The following NEK11 variants were observed in gnomAD, a reference collection of about 807,000 sequenced individuals.
NEK11 encodes NIMA related kinase 11, also known as serine/threonine-protein kinase Nek11.
Under a neutral mutation model 80.7 loss-of-function variants are expected in NEK11, and 72 were observed. That is an observed-to-expected ratio of 0.89 (90% CI 0.74 to 1.08). The LOEUF is 1.08. NEK11 is among the 50% of genes least tolerant of loss of function. The probability of loss-of-function intolerance (pLI) is 0.00; values close to 1 mark genes in which losing one functional copy is unlikely to be tolerated. For missense variants in NEK11, 764 were observed against 763.6 expected (o/e 1.00, Z -0.01); for synonymous variants, 251 against 260.7 (o/e 0.96, Z 0.36).
At chr3:131,170,491 G>A (rs2092613701) in intron 13 of NEK11, among the ~76,000 whole-genome samples, 1 of 152,188 alleles carries the variant, frequency 6.6e-6, no homozygotes, top group Non-Finnish European at 1.5e-5. Context: ...AATGGAGTGA[G>A]TACCTTCAAT....
intron 5 of NEK11, among the ~76,000 whole-genome samples, chr3:131,113,243 T>C (rs555644296): frequency 1.3e-5 from 2 of 152,120 alleles, no homozygotes; most frequent in Non-Finnish European, 2.9e-5. Context: ...ATGAGTTTAA[T>C]TATGAATATG....
chr3:131,131,035 C>A (rs1356772950), intron 5 of NEK11, among the ~76,000 whole-genome samples: 1 of 152,206 alleles, frequency 6.6e-6, no homozygotes, highest in Non-Finnish European at 1.5e-5. Context: ...CTCCTGACCC[C>A]AGGTGATCCA....
chr3:131,222,385 A>G (rs1580438335), intron 14 of NEK11, among the ~76,000 whole-genome samples: 1 of 152,196 alleles, frequency 6.6e-6, no homozygotes, highest in Non-Finnish European at 1.5e-5. Flanking sequence ...GTGGTATCAA[A>G]TGTATATCAG....
chr3:131,280,660 A>G (rs971876724), intron 17 of NEK11, among the ~76,000 whole-genome samples: 18 of 152,264 alleles, frequency 1.2e-4, no homozygotes, highest in African/African-American at 3.6e-4. Context: ...TATTTCCTCT[A>G]TTTAACAAGT....
intron 17 of NEK11, among the ~76,000 whole-genome samples, chr3:131,306,822 G>T (rs2096728393): frequency 6.6e-6 from 1 of 152,142 alleles, no homozygotes; most frequent in Non-Finnish European, 1.5e-5. Flanking sequence ...GTATAACTGG[G>T]TTTACCTGGA....
At chr3:131,090,663 A>G (rs1190162251) in intron 4 of NEK11, among the ~76,000 whole-genome samples, 3 of 152,204 alleles carry the variant, frequency 2.0e-5, no homozygotes, top group Non-Finnish European at 4.4e-5. Context: ...CAGACTAAAA[A>G]CTGTATTTCT....
intron 17 of NEK11, among the ~76,000 whole-genome samples, chr3:131,337,472 G>T (rs957140756): frequency 2.6e-5 from 4 of 151,752 alleles, no homozygotes; most frequent in African/African-American, 9.7e-5. Flanking sequence ...TTGTGGGGTG[G>T]GGGGAGTGGG....
Position 131,314,130 on chromosome 3 carries a change from A to AGTGTGT in NEK11, c.1719-35408_1719-35403dup, listed in dbSNP as rs143988468. Among the ~76,000 whole-genome samples, 45 of 149,332 alleles carry AGTGTGT rather than the reference A, an allele frequency of 3.0e-4. No homozygotes were observed. The East Asian group carries it at 3.8e-3, about 12-fold the overall frequency. ...TTCCAATTTATCCATGGAGAAAAAGAGTGTGTGTGTGTGTGTGTGTGTGTC... is the reference window on the plus strand; with the variant it reads ...TTCCAATTTATCCATGGAGAAAAAGAGTGTGTGTGTGTGTGTGTGTGTGTGTGTGTC... On this transcript the variant is annotated intron_variant, in intron 17 of 17. Transcript: ENST00000383366.
chr3:131,097,493 GA>G (rs1170921621), intron 4 of NEK11, among the ~76,000 whole-genome samples: 1 of 152,116 alleles, frequency 6.6e-6, no homozygotes, highest in Non-Finnish European at 1.5e-5. Flanking sequence ...CAGTGATGAT[GA>G]GCATTTTTTC....
intron 14 of NEK11, among the ~76,000 whole-genome samples, chr3:131,197,711 A>G (rs1329983962): frequency 6.6e-6 from 1 of 152,092 alleles, no homozygotes; most frequent in Non-Finnish European, 1.5e-5. Context: ...GTGGCTAGCC[A>G]TCTGGAGGGG....
intron 16 of NEK11, among the ~76,000 whole-genome samples, chr3:131,268,845 A>T (rs547127814): frequency 1.3e-5 from 2 of 152,338 alleles, no homozygotes; most frequent in Non-Finnish European, 2.9e-5. Context: ...AGGGACGTTT[A>T]AGTCTGCTGA....
In NEK11 at chr3:131,152,541, T is replaced by C. The variant is rs774204736; in HGVS notation, c.797+4T>C. ...AACTAAATGCCATCATGGAAAGGTATAGAAATAAACATGTTGTCACAGAAA... is the reference window on the plus strand; with the variant it reads ...AACTAAATGCCATCATGGAAAGGTACAGAAATAAACATGTTGTCACAGAAA... On this transcript the variant is annotated splice_donor_region_variant and intron_variant, in intron 8 of 17. Coordinates refer to ENST00000383366, the MANE Select transcript of NEK11 (RefSeq NM_024800.5). 3.7e-6 allele frequency: 6 copies of C among 1,612,264 alleles called. No individual in the cohort carries two copies. The Admixed American group carries it at 8.4e-5, about 23-fold the overall frequency.
chr3:131,124,086 C>G (rs1306508206), intron 5 of NEK11, among the ~76,000 whole-genome samples: 1 of 152,082 alleles, frequency 6.6e-6, no homozygotes, highest in Non-Finnish European at 1.5e-5. Flanking sequence ...ACCACGTATC[C>G]CGCCTTCACA....
At chr3:131,322,078 T>C (rs2096902808) in intron 17 of NEK11, among the ~76,000 whole-genome samples, 1 of 152,070 alleles carries the variant, frequency 6.6e-6, no homozygotes, top group Admixed American at 6.5e-5. Context: ...AGCAAAGACA[T>C]GGAATCAACC....
rs1553966478 is a variant in NEK11, at chr3:131,255,079, G to GACAGACAGACA, written c.1621+11583_1621+11584insACAGACAGACA. 3.4e-5 allele frequency among the ~76,000 whole-genome samples: 4 copies of GACAGACAGACA among 119,276 alleles called. No homozygotes were observed. The East Asian group carries it at 1.0e-3, about 30-fold the overall frequency. The allele number at this position is 119,276 out of a possible 152,430, so 78.2% of individuals were successfully genotyped here. ...CAGACAGACAGACAGACAGAAAGAAGGAAAGAAAGAAAGAAAGAAAGAAAG... is the reference window on the plus strand; with the variant it reads ...CAGACAGACAGACAGACAGAAAGAAGACAGACAGACAGAAAGAAAGAAAGAAAGAAAGAAAG... On this transcript the variant is annotated intron_variant, in intron 16 of 17. Coordinates refer to ENST00000383366, the MANE Select transcript of NEK11 (RefSeq NM_024800.5).
intron 17 of NEK11, chr3:131,326,270 G>A (rs2096964980): frequency 6.6e-6 from 1 of 152,228 alleles, no homozygotes; most frequent in Non-Finnish European, 1.5e-5. Flanking sequence ...CACCCAGAGT[G>A]ATCGTGCTGT....
chr3:131,038,538 C>T (rs970492558), intron 3 of NEK11, among the ~76,000 whole-genome samples: 1 of 152,144 alleles, frequency 6.6e-6, no homozygotes, highest in East Asian at 1.9e-4. Context: ...GAGTAGGCTG[C>T]AGGGAAACCC....
intron 17 of NEK11, among the ~76,000 whole-genome samples, chr3:131,348,722 G>GGAC: frequency 6.6e-6 from 1 of 150,842 alleles, no homozygotes; most frequent in Middle Eastern, 3.4e-3. Flanking sequence ...GTTGACATAT[G>GGAC]GACAATCACT....
At chr3:131,195,784 A>G (rs2093980606) in intron 14 of NEK11, among the ~76,000 whole-genome samples, 1 of 91,792 alleles carries the variant, frequency 1.1e-5, no homozygotes, top group Non-Finnish European at 2.1e-5. Context: ...TAAAGAATAT[A>G]TATTTCAGAA....
Sources: allele counts gnomAD v4.1 joint callset (sites outside exome capture counted in the v4.1 genomes callset), GRCh38; gene constraint gnomAD v4.1.1; transcripts MANE v1.5; gene names NCBI Gene and HGNC (gene_info 2026-07-23, HGNC 2026-07-21).